SYT16: variants seen among roughly 807,000 people sequenced by gnomAD.
The protein encoded by SYT16 is synaptotagmin-16.
Under a neutral mutation model 61.4 loss-of-function variants are expected in SYT16, and 42 were observed. The ratio of observed to expected loss-of-function variants is 0.68; its 90% CI spans 0.53 to 0.89. The LOEUF is 0.89. Ranked by LOEUF, SYT16 falls within the 40% of genes least tolerant of loss-of-function variation. The pLI is 0.00. For synonymous variants in SYT16, 314 were observed against 302.3 expected (o/e 1.04, Z -0.40); for missense variants, 804 against 807.3 (o/e 1.00, Z 0.05).
chr14:62,049,711 G>T (rs1315738866), intron 3 of SYT16, among the ~76,000 whole-genome samples: 1 of 152,088 alleles, frequency 6.6e-6, no homozygotes, highest in East Asian at 1.9e-4. Context: ...GTCTGTAAAG[G>T]ATTTTATTTC....
intron 1 of SYT16, among the ~76,000 whole-genome samples, chr14:61,851,210 T>A (rs1594757605): frequency 6.6e-6 from 1 of 152,200 alleles, no homozygotes; most frequent in East Asian, 1.9e-4. Flanking sequence ...GGCTTCCAAG[T>A]CCACCCATGT....
chr14:61,963,903 C>T (rs1039307551), intron 1 of SYT16, among the ~76,000 whole-genome samples: 3 of 152,144 alleles, frequency 2.0e-5, no homozygotes, highest in Non-Finnish European at 2.9e-5. Flanking sequence ...GTCTTGTCTG[C>T]CTGTGCTTTA....
At chr14:62,096,273 G>C (rs560556306) in intron 7 of SYT16, among the ~76,000 whole-genome samples, 25 of 152,082 alleles carry the variant, frequency 1.6e-4, no homozygotes, top group Middle Eastern at 3.2e-3. Context: ...TGAAAGGCAG[G>C]TAGAAGGTAG....
At chr14:62,088,948 G>T (rs1405788138) in intron 7 of SYT16, among the ~76,000 whole-genome samples, 6 of 143,502 alleles carry the variant, frequency 4.2e-5, no homozygotes, top group South Asian at 2.2e-4. Flanking sequence ...TTCTGTGGTT[G>T]GCAATACTTT....
At chr14:61,989,629 G>C (rs923611381) in intron 2 of SYT16, among the ~76,000 whole-genome samples, 1 of 152,138 alleles carries the variant, frequency 6.6e-6, no homozygotes, top group Admixed American at 6.6e-5. Flanking sequence ...AGTTGCAAGA[G>C]TAGTGATTTT....
At chr14:61,957,632 C>A (rs1381377291) in intron 1 of SYT16, among the ~76,000 whole-genome samples, 1 of 147,430 alleles carries the variant, frequency 6.8e-6, no homozygotes, top group Admixed American at 6.6e-5. Context: ...GTGGAACCAT[C>A]CTTGCATCAC....
intron 1 of SYT16, among the ~76,000 whole-genome samples, chr14:61,913,929 G>T (rs549967749): frequency 6.6e-6 from 1 of 152,198 alleles, no homozygotes; most frequent in South Asian, 2.1e-4. Flanking sequence ...TATTAGAGAA[G>T]CTCCAGATTT....
chr14:62,023,552 T>G (rs1290620236), intron 3 of SYT16, among the ~76,000 whole-genome samples: 2 of 152,148 alleles, frequency 1.3e-5, no homozygotes, highest in Non-Finnish European at 2.9e-5. Context: ...TTTACCATTT[T>G]CTCTTCATCT....
At chr14:61,904,917 G>A (rs1192358806) in intron 1 of SYT16, among the ~76,000 whole-genome samples, 3 of 152,166 alleles carry the variant, frequency 2.0e-5, no homozygotes, top group African/African-American at 7.2e-5. Flanking sequence ...ATTAAAAGCG[G>A]GAGATCATTA....
intron 1 of SYT16, among the ~76,000 whole-genome samples, chr14:61,863,740 T>G (rs2047037747): frequency 6.6e-6 from 1 of 152,248 alleles, no homozygotes; most frequent in Non-Finnish European, 1.5e-5. Flanking sequence ...GTTTTGTAGT[T>G]TAGTGTTTTA....
At chr14:62,004,357 ACTGC>A (rs1463582636) in intron 3 of SYT16, among the ~76,000 whole-genome samples, 1 of 152,118 alleles carries the variant, frequency 6.6e-6, no homozygotes, top group Non-Finnish European at 1.5e-5. Flanking sequence ...CATGGGGGAA[ACTGC>A]CTGCATGATC....
intron 1 of SYT16, among the ~76,000 whole-genome samples, chr14:61,957,091 CTCAT>C (rs1420759376): frequency 6.6e-6 from 1 of 151,816 alleles, no homozygotes; most frequent in African/African-American, 2.4e-5. Context: ...TTTCTAATTA[CTCAT>C]TCAAATAGGT....
rs943218432 is a variant in SYT16, at chr14:62,104,449, T to C, written c.*3742T>C. On this transcript the variant is annotated 3_prime_UTR_variant, in exon 8 of 8. Transcript: ENST00000683842. Reference sequence around the variant, plus strand: ...AAAGTATTTTTGTCTTAAAAATTATTCATTTGGGCAAAGTCATTTACAACA... The same window carrying C: ...AAAGTATTTTTGTCTTAAAAATTATCCATTTGGGCAAAGTCATTTACAACA... 2.0e-5 allele frequency: 3 copies of C among 152,214 alleles called. No individual in the cohort carries two copies. Among genetic ancestry groups the C allele is most frequent in the African/African-American group, 7.2e-5 (3 of 41,468 alleles). The allele number at this position is 152,214 out of a possible 1,614,324, so 9.4% of individuals were successfully genotyped here.
At chr14:62,087,056 C>T (rs189961702) in intron 7 of SYT16, among the ~76,000 whole-genome samples, 6 of 152,258 alleles carry the variant, frequency 3.9e-5, no homozygotes, top group Admixed American at 2.6e-4. Flanking sequence ...CTTTGGATGT[C>T]GACGGCCTTG....
intron 3 of SYT16, among the ~76,000 whole-genome samples, chr14:62,047,739 G>T (rs2055060688): frequency 6.6e-6 from 1 of 152,154 alleles, no homozygotes; most frequent in African/African-American, 2.4e-5. Flanking sequence ...TAATCATATG[G>T]TTTTTGTCAT....
chr14:62,004,226 A>T (rs776676367), intron 3 of SYT16, among the ~76,000 whole-genome samples: 1 of 152,184 alleles, frequency 6.6e-6, no homozygotes, highest in Non-Finnish European at 1.5e-5. Context: ...CACATCTTAC[A>T]TGGCAACAGG....
chr14:62,100,783 G>A lies in SYT16; in HGVS notation c.*76G>A. 1 of 1,475,388 alleles carries A rather than the reference G, an allele frequency of 6.8e-7. No homozygotes were observed. Among genetic ancestry groups the A allele is most frequent in the East Asian group, 2.4e-5 (1 of 42,534 alleles). The allele number at this position is 1,475,388 out of a possible 1,614,324, so 91.4% of individuals were successfully genotyped here. ...CTGTCTACTGACACTAAGTGTCCTGGCAAGGGTTTCAGGGTTTCAAAAACA... is the reference window on the plus strand; with the variant it reads ...CTGTCTACTGACACTAAGTGTCCTGACAAGGGTTTCAGGGTTTCAAAAACA... On this transcript the variant is annotated 3_prime_UTR_variant, in exon 8 of 8. Transcript: ENST00000683842.
At chr14:62,096,422 T>C (rs2057276475) in intron 7 of SYT16, among the ~76,000 whole-genome samples, 2 of 152,106 alleles carry the variant, frequency 1.3e-5, no homozygotes, top group Non-Finnish European at 2.9e-5. Context: ...TGAAATCTTT[T>C]TAATTTTTGG....
chr14:61,982,722 A>T lies in SYT16; in HGVS notation c.-145+12411A>T, dbSNP rs17099361. Among the ~76,000 whole-genome samples, 1,173 of 152,262 alleles carry T rather than the reference A, an allele frequency of 7.7e-3. 9 individuals carry two copies. The highest frequency in any genetic ancestry group is 0.027 in the African/African-American group (1,129 of 41,554). ...AACTATCTCCCCCTACTTTATGGGAAGTTTTGAAGGATTTTTGACGTAGTG... is the reference window on the plus strand; with the variant it reads ...AACTATCTCCCCCTACTTTATGGGATGTTTTGAAGGATTTTTGACGTAGTG... On this transcript the variant is annotated intron_variant, in intron 2 of 7. Coordinates refer to ENST00000683842, the MANE Select transcript of SYT16 (RefSeq NM_001367656.1).
Sources: gnomAD v4.1 joint callset for allele counts (sites outside exome capture counted in the v4.1 genomes callset) on GRCh38, gnomAD v4.1.1 for gene constraint, MANE v1.5 for transcripts, NCBI Gene and HGNC (gene_info 2026-07-23, HGNC 2026-07-21) for gene names.